Variants in GLI2 observed in about 807,000 individuals in gnomAD.
GLI2 encodes the protein GLI family zinc finger 2, also known as transcription activator GLI2.
GLI2 carries 22 observed loss-of-function variants against 78.9 expected under a neutral mutation model. The ratio of observed to expected loss-of-function variants is 0.28; its 90% CI spans 0.20 to 0.40. GLI2 has a LOEUF of 0.40. Among genes scored for constraint, GLI2 ranks in the 10% least tolerant of loss-of-function variants. The pLI is 1.00. For missense variants in GLI2, 2,097 were observed against 2,213.2 expected (o/e 0.95, Z 1.05); for synonymous variants, 974 against 963.7 (o/e 1.01, Z -0.20).
At chr2:120,826,994 C>T (rs547095936) in intron 2 of GLI2, among the ~76,000 whole-genome samples, 55 of 152,336 alleles carry the variant, frequency 3.6e-4, no homozygotes, top group Admixed American at 1.5e-3. Flanking sequence ...CCCACCATTT[C>T]GCTTTCACTG....
intron 2 of GLI2, among the ~76,000 whole-genome samples, chr2:120,844,697 C>A (rs1687031631): frequency 6.6e-6 from 1 of 152,178 alleles, no homozygotes. Context: ...TCTTTGGTCA[C>A]CAAGACAAAG....
At chr2:120,750,542 G>A (rs752770700) in intron 1 of GLI2, among the ~76,000 whole-genome samples, 2 of 152,246 alleles carry the variant, frequency 1.3e-5, no homozygotes, top group Non-Finnish European at 2.9e-5. Context: ...GTTAGTATGA[G>A]ACAATTACCT....
chr2:120,971,338 A>G (rs1206365404), intron 7 of GLI2, among the ~76,000 whole-genome samples: 1 of 152,240 alleles, frequency 6.6e-6, no homozygotes, highest in Non-Finnish European at 1.5e-5. Context: ...ACCCCAGGCC[A>G]CCCACCAGCA....
intron 2 of GLI2, among the ~76,000 whole-genome samples, chr2:120,846,785 T>C (rs1687135843): frequency 6.6e-6 from 1 of 152,228 alleles, no homozygotes; most frequent in African/African-American, 2.4e-5. Flanking sequence ...TTCTCTTTTT[T>C]CACCTATAAA....
intron 1 of GLI2, among the ~76,000 whole-genome samples, chr2:120,765,318 G>A (rs1466277690): frequency 6.6e-6 from 1 of 152,240 alleles, no homozygotes. Flanking sequence ...CTAAGGACAG[G>A]GTCTCCCTGG....
intron 5 of GLI2, among the ~76,000 whole-genome samples, chr2:120,958,520 G>A (rs1465557316): frequency 1.4e-4 from 21 of 152,002 alleles, no homozygotes; most frequent in Non-Finnish European, 1.0e-4. Context: ...ACTGCTCCAT[G>A]GCTGCTGCTC....
chr2:120,757,304 A>T (rs1683062777), intron 1 of GLI2, among the ~76,000 whole-genome samples: 1 of 148,616 alleles, frequency 6.7e-6, no homozygotes, highest in African/African-American at 2.5e-5. Context: ...GATGTTGAAT[A>T]TTTTTGTCTT....
At chr2:120,748,997 A>T (rs1682781704) in intron 1 of GLI2, among the ~76,000 whole-genome samples, 1 of 152,044 alleles carries the variant, frequency 6.6e-6, no homozygotes, top group Non-Finnish European at 1.5e-5. Context: ...ACATTCATTG[A>T]CTGCAAGGAT....
At chr2:120,792,362 G>A (rs1327419650) in intron 1 of GLI2, 1 of 152,218 alleles carries the variant, frequency 6.6e-6, no homozygotes, top group Non-Finnish European at 1.5e-5. Context: ...GTGATGATGC[G>A]ATGTCTAAAA....
At chr2:120,928,947 CT>C (rs1197620020) in intron 3 of GLI2, among the ~76,000 whole-genome samples, 1 of 152,142 alleles carries the variant, frequency 6.6e-6, no homozygotes, top group Non-Finnish European at 1.5e-5. Context: ...CCACTAGTGT[CT>C]TTTTTTCCTG....
At chr2:120,838,646 A>G (rs1303468326) in intron 2 of GLI2, among the ~76,000 whole-genome samples, 7 of 152,214 alleles carry the variant, frequency 4.6e-5, no homozygotes, top group Non-Finnish European at 1.0e-4. Context: ...AAGAAAAGTC[A>G]TTTACACTCA....
chr2:120,958,533 C>T (rs140018534), intron 5 of GLI2, among the ~76,000 whole-genome samples: 1 of 152,240 alleles, frequency 6.6e-6, no homozygotes, highest in Non-Finnish European at 1.5e-5. Flanking sequence ...TGCTGCTCAT[C>T]CAGCATCCCC....
chr2:120,990,440 A>C lies in GLI2; in HGVS notation c.4475A>C (p.Gln1492Pro), dbSNP rs900924402. The C allele has an allele frequency of 6.2e-7, 1 of 1,613,950 alleles. No individual in the cohort carries two copies. Among genetic ancestry groups the C allele is most frequent in the Non-Finnish European group, 8.5e-7 (1 of 1,179,980 alleles). ...TVDSQLLEAPQIDFDAIMDDG... is the reference protein window; with the variant it reads ...TVDSQLLEAPPIDFDAIMDDG... ...GACTCCCAGCTCCTGGAGGCCCCCC[A>C]GATTGACTTCGATGCCATCATGGAT... Residue 1492 changes from glutamine (Q) to proline (P), a missense_variant, in exon 14 of 14, where the codon CAG (glutamine) becomes CCG (proline). This residue lies in a region of GLI2 where 1,290 missense variants were observed against 1,261.7 expected (regional missense o/e 1.02). Coordinates refer to ENST00000361492, the MANE Select transcript of GLI2 (RefSeq NM_001374353.1).
chr2:120,837,890 T>C (rs1415022646), intron 2 of GLI2, among the ~76,000 whole-genome samples: 1 of 152,220 alleles, frequency 6.6e-6, no homozygotes, highest in Non-Finnish European at 1.5e-5. Context: ...TTGTCTTAGG[T>C]CTTACAGCTT....
In GLI2 at chr2:120,797,484, C is replaced by A. The variant is rs1421535014; in HGVS notation, c.148+16C>A. On this transcript the variant is annotated intron_variant, in intron 2 of 13. Transcript: ENST00000361492. ...GCCCAAGGAGGTACTTTCTGTTTCG[C>A]ACACTTGGAGGGCAGCAGGGGTGTT... 1 of 1,611,752 alleles carries A rather than the reference C, an allele frequency of 6.2e-7. No individual in the cohort carries two copies. Among genetic ancestry groups the A allele is most frequent in the Admixed American group, 1.7e-5 (1 of 60,002 alleles).
At chr2:120,947,747 G>A (rs567831705) in intron 3 of GLI2, among the ~76,000 whole-genome samples, 2 of 152,228 alleles carry the variant, frequency 1.3e-5, no homozygotes, top group Admixed American at 6.5e-5. Flanking sequence ...AGGCTACACA[G>A]CCAAGCGGGA....
In GLI2 at chr2:120,794,351, A is replaced by G. The variant is rs541163691; in HGVS notation, c.-30-2940A>G. ...TCCCTGTTAGGAGGGTCAGGCAGCC[A>G]GGGAGCTGGTAGGGAGAGGAGGCTT... is the stretch of plus-strand genomic sequence containing the variant. On this transcript the variant is annotated intron_variant, in intron 1 of 13. Coordinates refer to ENST00000361492, the MANE Select transcript of GLI2 (RefSeq NM_001374353.1). Among the ~76,000 whole-genome samples the G allele has an allele frequency of 3.3e-5, 5 of 152,336 alleles. No homozygotes were observed. In the South Asian group the frequency reaches 1.0e-3, roughly 32 times the overall value.
At chr2:120,798,615 C>T (rs999045048) in intron 2 of GLI2, among the ~76,000 whole-genome samples, 3 of 152,212 alleles carry the variant, frequency 2.0e-5, no homozygotes, top group Non-Finnish European at 4.4e-5. Context: ...CTTCAGGCCC[C>T]TTGGGGAGGT....
At chr2:120,894,716 G>C (rs277535) in intron 2 of GLI2, among the ~76,000 whole-genome samples, 4,548 of 100,186 alleles carry the variant, frequency 0.045, 208 homozygotes, top group African/African-American at 0.14. Context: ...TTTTTTTTTT[G>C]AGACAGAGTT....
Sources: gnomAD v4.1 joint callset for allele counts (sites outside exome capture counted in the v4.1 genomes callset) on GRCh38, gnomAD v4.1.1 for gene constraint, gnomAD v4.1.1 regional missense constraint, MANE v1.5 for transcripts, NCBI Gene and HGNC (gene_info 2026-07-23, HGNC 2026-07-21) for gene names.